The following SPON1 variants were observed in gnomAD, a reference collection of about 807,000 sequenced individuals.
SPON1 encodes the protein spondin-1.
In SPON1, 52 loss-of-function variants were observed where a neutral mutation model predicts 111.7. The ratio of observed to expected loss-of-function variants is 0.47; its 90% confidence interval spans 0.37 to 0.59. SPON1 has a LOEUF of 0.59. SPON1 is among the 20% of genes least tolerant of loss of function. The pLI is 0.00. For synonymous variants in SPON1, 410 were observed against 395.8 expected (o/e 1.04, Z -0.43); for missense variants, 957 against 1,068.5 (o/e 0.90, Z 1.46).
chr11:14,167,384 A>G (rs1848042220), intron 6 of SPON1, among the ~76,000 whole-genome samples: 1 of 152,144 alleles, frequency 6.6e-6, no homozygotes, highest in Non-Finnish European at 1.5e-5. Flanking sequence ...GATAACTCCA[A>G]AATCTTAAAA....
At chr11:14,258,744 A>C (rs1185074709) in intron 11 of SPON1, among the ~76,000 whole-genome samples, 1 of 152,146 alleles carries the variant, frequency 6.6e-6, no homozygotes, top group African/African-American at 2.4e-5. Context: ...TTGCTAGCTC[A>C]TTTTGCCCAC....
chr11:14,223,886 C>T (rs1375963569), intron 6 of SPON1, among the ~76,000 whole-genome samples: 3 of 152,236 alleles, frequency 2.0e-5, no homozygotes, highest in African/African-American at 7.2e-5. Flanking sequence ...GTCCCTTCTG[C>T]ACCACTGAGG....
chr11:14,160,780 T>TTAA (rs1847924893), intron 6 of SPON1, among the ~76,000 whole-genome samples: 5 of 31,346 alleles, frequency 1.6e-4, no homozygotes, highest in Non-Finnish European at 2.7e-4. Context: ...TTATATATAT[T>TTAA]TTTATATATA....
intron 3 of SPON1, among the ~76,000 whole-genome samples, chr11:14,047,327 C>A (rs1223204178): frequency 6.6e-6 from 1 of 152,058 alleles, no homozygotes; most frequent in Non-Finnish European, 1.5e-5. Context: ...TTGAGGAAGA[C>A]CCTTTAGCTA....
chr11:14,260,956 G>A (rs1017515921), intron 14 of SPON1, among the ~76,000 whole-genome samples: 7 of 152,140 alleles, frequency 4.6e-5, no homozygotes, highest in African/African-American at 1.7e-4. Flanking sequence ...ACCGTCTACA[G>A]AACACCCAAA....
At chr11:14,173,360 T>G (rs1348715360) in intron 6 of SPON1, among the ~76,000 whole-genome samples, 1 of 152,246 alleles carries the variant, frequency 6.6e-6, no homozygotes, top group African/African-American at 2.4e-5. Flanking sequence ...CTTTAAGGAC[T>G]TCTCTCCATT....
Position 14,259,829 on chromosome 11 carries a change from G to T in SPON1, c.1831+128G>T. On this transcript the variant is annotated intron_variant, in intron 13 of 15. Coordinates refer to ENST00000576479, the MANE Select transcript of SPON1 (RefSeq NM_006108.4). The surrounding 1 kb of genome is among the most constrained non-coding windows in gnomAD (Gnocchi z 5.0). ...GAAAGCATGGCCCATGGTCCTTGCT[G>T]GGCACTGCTGGGAGCCAGATGAGAG... is the stretch of plus-strand genomic sequence containing the variant. The T allele has an allele frequency of 9.6e-7, 1 of 1,041,226 alleles. No individual in the cohort carries two copies. Among genetic ancestry groups the T allele is most frequent in the Non-Finnish European group, 1.4e-6 (1 of 722,316 alleles). The allele number at this position is 1,041,226 out of a possible 1,614,324, so 64.5% of individuals were successfully genotyped here.
intron 6 of SPON1, among the ~76,000 whole-genome samples, chr11:14,205,030 C>T (rs1554936048): frequency 1.3e-5 from 2 of 152,168 alleles, no homozygotes. Context: ...AGACGTTCCC[C>T]AGCACACCCA....
intron 9 of SPON1, 67 bp downstream of exon 9, chr11:14,255,854 C>T: frequency 1.3e-6 from 2 of 1,533,330 alleles, no homozygotes; most frequent in Non-Finnish European, 1.8e-6. Context: ...ATTGTACACC[C>T]TTCTGCTCTA....
intron 2 of SPON1, among the ~76,000 whole-genome samples, chr11:14,013,466 A>G (rs1848420975): frequency 6.6e-6 from 1 of 152,206 alleles, no homozygotes; most frequent in African/African-American, 2.4e-5. Flanking sequence ...TGTTTGGGGA[A>G]TAAAAGAAAG....
rs891813432 is a variant in SPON1, at chr11:14,258,466, T to C, written c.1492+568T>C. Reference sequence around the variant, plus strand: ...TTCAAGATTGCACTAAGCTGATTGCTGTGCAAAGGTCAGCTATCTGCTTCC... The same window carrying C: ...TTCAAGATTGCACTAAGCTGATTGCCGTGCAAAGGTCAGCTATCTGCTTCC... On this transcript the variant is annotated intron_variant, in intron 11 of 15. Coordinates refer to ENST00000576479, the MANE Select transcript of SPON1 (RefSeq NM_006108.4). Among the ~76,000 whole-genome samples, 3 of 152,358 alleles carry C rather than the reference T, an allele frequency of 2.0e-5. No individual in the cohort carries two copies. In the East Asian group the frequency reaches 5.8e-4, roughly 29 times the overall value.
At chr11:14,018,452 A>T (rs1554914503) in intron 2 of SPON1, among the ~76,000 whole-genome samples, 1 of 152,222 alleles carries the variant, frequency 6.6e-6, no homozygotes. Flanking sequence ...TAATGATGCC[A>T]GTAACTGAGA....
chr11:14,249,993 C>T lies in SPON1; in HGVS notation c.891-4535C>T, dbSNP rs117759537. On this transcript the variant is annotated intron_variant, in intron 7 of 15. Transcript: ENST00000576479. ...TTCTTTCCTCCACACCATGCTGCCT[C>T]TCCAAATGTAGAAAAAGGAAACATT... Among the ~76,000 whole-genome samples the T allele has an allele frequency of 3.3e-5, 5 of 152,300 alleles. No homozygotes were observed. The East Asian group carries it at 9.6e-4, about 29-fold the overall frequency.
At chr11:14,116,883 C>T (rs782319306) in intron 5 of SPON1, among the ~76,000 whole-genome samples, 1 of 152,108 alleles carries the variant, frequency 6.6e-6, no homozygotes, top group Non-Finnish European at 1.5e-5. Flanking sequence ...TAAGTTCTCT[C>T]AATAATGTTT....
intron 6 of SPON1, among the ~76,000 whole-genome samples, chr11:14,152,264 T>A (rs538130944): frequency 6.6e-6 from 1 of 152,320 alleles, no homozygotes; most frequent in East Asian, 1.9e-4. Context: ...TTTACCTCCT[T>A]TGTCTCCATA....
intron 6 of SPON1, among the ~76,000 whole-genome samples, chr11:14,170,674 A>G (rs1246140717): frequency 2.0e-5 from 3 of 152,058 alleles, no homozygotes; most frequent in South Asian, 2.1e-4. Context: ...CGTCCCATCA[A>G]TACCTAATTT....
intron 2 of SPON1, among the ~76,000 whole-genome samples, chr11:13,987,127 A>G (rs1554910498): frequency 6.6e-6 from 1 of 152,232 alleles, no homozygotes; most frequent in African/African-American, 2.4e-5. Context: ...TAGATCTTTG[A>G]GGAATCACTA....
chr11:14,250,283 T>G lies in SPON1; in HGVS notation c.891-4245T>G, dbSNP rs1437011918. The stretch of plus-strand genomic sequence containing the variant: ...ATAATTGCTTTTATTGTTTCAAAGT[T>G]GAAAAAATTAATATTTCTCTAGTAG... On this transcript the variant is annotated intron_variant, in intron 7 of 15. Coordinates refer to ENST00000576479, the MANE Select transcript of SPON1 (RefSeq NM_006108.4). Among the ~76,000 whole-genome samples the G allele has an allele frequency of 2.6e-5, 4 of 152,088 alleles. No individual in the cohort carries two copies. The East Asian group carries it at 5.8e-4, about 22-fold the overall frequency.
chr11:14,001,121 C>T (rs940352435), intron 2 of SPON1, among the ~76,000 whole-genome samples: 1 of 152,158 alleles, frequency 6.6e-6, no homozygotes, highest in African/African-American at 2.4e-5. Flanking sequence ...CCTCCACCCC[C>T]CAAGAAATGG....
Sources: allele counts gnomAD v4.1 joint callset (sites outside exome capture counted in the v4.1 genomes callset), GRCh38; gene constraint gnomAD v4.1.1; non-coding constraint Gnocchi (gnomAD v3.1); transcripts MANE v1.5; gene names NCBI Gene and HGNC (gene_info 2026-07-23, HGNC 2026-07-21).